CFDP1: variants seen among roughly 807,000 people sequenced by gnomAD.
The protein encoded by CFDP1 is heterochromatin-stabilizing protein CFDP1.
A neutral mutation model predicts 40.1 loss-of-function variants in CFDP1; 31 were observed. The observed-to-expected ratio is 0.77, with a 90% CI of 0.58 to 1.04. The LOEUF (loss-of-function observed/expected upper bound fraction) is 1.04. CFDP1 is among the 50% of genes least tolerant of loss of function. The probability of loss-of-function intolerance (pLI) is 0.00; values close to 1 mark genes in which losing one functional copy is unlikely to be tolerated. For synonymous variants in CFDP1, 167 were observed against 120.0 expected (o/e 1.39, Z -2.56); for missense variants, 423 against 343.4 (o/e 1.23, Z -1.83).
chr16:75,415,203 G>A (rs984973028), intron 1 of CFDP1, among the ~76,000 whole-genome samples: 1 of 152,126 alleles, frequency 6.6e-6, no homozygotes, highest in African/African-American at 2.4e-5. Flanking sequence ...ATAGCAGAAA[G>A]AACAAACACA....
chr16:75,316,726 T>C (rs1288053942), intron 5 of CFDP1, among the ~76,000 whole-genome samples: 1 of 152,230 alleles, frequency 6.6e-6, no homozygotes, highest in Non-Finnish European at 1.5e-5. Context: ...TCCTAGCACT[T>C]TGGGAGGCCA....
At position 75,319,004 on chromosome 16, in the gene CFDP1, C is replaced by T. The variant is rs536764483; in HGVS notation, c.651-13822G>A. 1.4e-4 allele frequency among the ~76,000 whole-genome samples: 22 copies of T among 152,186 alleles called. No homozygotes were observed. In the South Asian group the frequency reaches 1.7e-3, roughly 11 times the overall value. ...AGCTTTAAATGAAACTCATAGGAGC[C>T]GAACACATTTTGCAAAATTACTCCC... On this transcript the variant is annotated intron_variant, in intron 5 of 6. Coordinates refer to ENST00000283882, the MANE Select transcript of CFDP1 (RefSeq NM_006324.3).
chr16:75,346,473 C>A (rs1268678405), intron 5 of CFDP1, among the ~76,000 whole-genome samples: 2 of 150,808 alleles, frequency 1.3e-5, no homozygotes, highest in Non-Finnish European at 2.9e-5. Context: ...GTCCCAGCTA[C>A]TCGGGAGGCT....
intron 1 of CFDP1, among the ~76,000 whole-genome samples, chr16:75,430,081 T>C (rs1458451818): frequency 6.6e-6 from 1 of 152,136 alleles, no homozygotes; most frequent in African/African-American, 2.4e-5. Flanking sequence ...AATTTAAAAA[T>C]TTTCTTGTTG....
intron 1 of CFDP1, among the ~76,000 whole-genome samples, chr16:75,416,781 A>T (rs759013271): frequency 1.3e-5 from 2 of 152,140 alleles, no homozygotes; most frequent in African/African-American, 2.4e-5. Context: ...AAAATTTTTT[A>T]AAGGCGATGA....
intron 5 of CFDP1, among the ~76,000 whole-genome samples, chr16:75,368,279 T>G (rs1193559301): frequency 6.6e-6 from 1 of 152,208 alleles, no homozygotes; most frequent in Non-Finnish European, 1.5e-5. Flanking sequence ...TAATTGCTTT[T>G]AAAAGAATAC....
chr16:75,376,494 A>T (rs553953716), intron 5 of CFDP1, among the ~76,000 whole-genome samples: 88 of 152,340 alleles, frequency 5.8e-4, no homozygotes, highest in Admixed American at 1.1e-3. Flanking sequence ...ACAAAAATTT[A>T]AAAAATGTAT....
chr16:75,339,510 T>C (rs551971355), intron 5 of CFDP1, among the ~76,000 whole-genome samples: 1 of 152,292 alleles, frequency 6.6e-6, no homozygotes, highest in South Asian at 2.1e-4. Context: ...GCGACTGTTA[T>C]GTGCTTGCTC....
In CFDP1 at chr16:75,330,590, G is replaced by GAAAAA. The variant is rs1351789335; in HGVS notation, c.651-25409_651-25408insTTTTT. 9.2e-5 allele frequency among the ~76,000 whole-genome samples: 14 copies of GAAAAA among 152,128 alleles called. No homozygotes were observed. In the East Asian group the frequency reaches 2.1e-3, roughly 23 times the overall value. On this transcript the variant is annotated intron_variant, in intron 5 of 6. Coordinates refer to ENST00000283882, the MANE Select transcript of CFDP1 (RefSeq NM_006324.3). ...GGCAACAAGAGTGAAACTCCATCTC[G>GAAAAA]AAACAAAAACAAAAACAAATGATGA...
At chr16:75,315,174 C>T (rs888067439) in intron 5 of CFDP1, among the ~76,000 whole-genome samples, 1 of 151,886 alleles carries the variant, frequency 6.6e-6, no homozygotes, top group Non-Finnish European at 1.5e-5. Flanking sequence ...AACCCCGTCT[C>T]TACAAAAAAT....
At chr16:75,349,673 A>T in intron 5 of CFDP1, among the ~76,000 whole-genome samples, 2 of 65,706 alleles carry the variant, frequency 3.0e-5, no homozygotes, top group Non-Finnish European at 3.0e-5. Context: ...AAAAAAAAAA[A>T]AAAAAAAAAA....
At chr16:75,412,848 G>A (rs758846635) in intron 2 of CFDP1, 94 bp from the exon 3 acceptor site, 1 of 961,590 alleles carries the variant, frequency 1.0e-6, no homozygotes, top group Non-Finnish European at 1.6e-6. Flanking sequence ...ATAAACCCAA[G>A]AACACTTTAA....
chr16:75,386,114 T>C (rs2078895731), intron 5 of CFDP1, among the ~76,000 whole-genome samples: 1 of 152,130 alleles, frequency 6.6e-6, no homozygotes, highest in African/African-American at 2.4e-5. Flanking sequence ...TCTGCACATG[T>C]ATCCCGGAAC....
chr16:75,299,869 G>T (rs1281469304), intron 6 of CFDP1, among the ~76,000 whole-genome samples: 1 of 152,124 alleles, frequency 6.6e-6, no homozygotes, highest in South Asian at 2.1e-4. Context: ...TTGGGTGGGG[G>T]TACTCTAGAG....
intron 4 of CFDP1, among the ~76,000 whole-genome samples, chr16:75,400,101 CAAA>C (rs71276627): frequency 8.4e-5 from 5 of 59,316 alleles, no homozygotes; most frequent in African/African-American, 1.1e-4. Context: ...AACTCCATCT[CAAA>C]AAAAAAAAAA....
Position 75,395,189 on chromosome 16 carries a change from G to T in CFDP1, c.551C>A (p.Ala184Asp). ...GAAGGATTTGGCCTCTTTAGATGTA[G>T]CATCCACTTCCTTAGTTACCCTGTG... ...EEVRVTKEVD[A>D]TSKEAKSFFK... is the part of the protein sequence containing the mutation. The change falls in exon 5 of 7, where the codon GCT (alanine) becomes GAT (aspartate). Residue 184 changes from alanine (A) to aspartate (D), a missense_variant. Ala to Asp is a moderately radical substitution (Grantham distance 126). Coordinates refer to ENST00000283882, the MANE Select transcript of CFDP1 (RefSeq NM_006324.3). 1 of 1,613,366 alleles carries T rather than the reference G, an allele frequency of 6.2e-7. No individual in the cohort carries two copies. The highest frequency in any genetic ancestry group is 2.2e-5 in the East Asian group (1 of 44,854).
At chr16:75,363,287 A>AC (rs1365420377) in intron 5 of CFDP1, among the ~76,000 whole-genome samples, 1 of 151,724 alleles carries the variant, frequency 6.6e-6, no homozygotes, top group Non-Finnish European at 1.5e-5. Context: ...AAAAAAAAAA[A>AC]ATTTTTGCCA....
intron 5 of CFDP1, among the ~76,000 whole-genome samples, chr16:75,368,503 T>TA (rs1308084337): frequency 6.6e-6 from 1 of 152,158 alleles, no homozygotes; most frequent in African/African-American, 2.4e-5. Flanking sequence ...TTTTCCACAA[T>TA]AAAAAATAAA....
chr16:75,310,133 C>T (rs913811260), intron 5 of CFDP1, among the ~76,000 whole-genome samples: 1 of 152,208 alleles, frequency 6.6e-6, no homozygotes, highest in African/African-American at 2.4e-5. Flanking sequence ...TCCTCCTGAA[C>T]ATCACATGAC....
Sources: gnomAD v4.1 joint callset for allele counts (sites outside exome capture counted in the v4.1 genomes callset) on GRCh38, gnomAD v4.1.1 for gene constraint, MANE v1.5 for transcripts, NCBI Gene and HGNC (gene_info 2026-07-23, HGNC 2026-07-21) for gene names.